Variants in ASPH observed in about 807,000 individuals in gnomAD.
ASPH encodes the protein aspartate beta-hydroxylase.
A neutral mutation model predicts 118.4 loss-of-function variants in ASPH; 100 were observed. The ratio of observed to expected loss-of-function variants is 0.84; its 90% CI spans 0.72 to 1.00. The LOEUF is 1.00. Among genes scored for constraint, ASPH ranks in the 50% least tolerant of loss-of-function variants. The probability of loss-of-function intolerance (pLI) is 0.00; values close to 1 mark genes in which losing one functional copy is unlikely to be tolerated. For missense variants in ASPH, 920 were observed against 919.5 expected (o/e 1.00, Z -0.01); for synonymous variants, 315 against 325.6 (o/e 0.97, Z 0.35).
At chr8:61,665,594 G>C (rs767065038) in intron 3 of ASPH, 21 of 1,573,894 alleles carry the variant, frequency 1.3e-5, no homozygotes, top group Non-Finnish European at 1.7e-5. Flanking sequence ...CTCTTCTTTA[G>C]TGAGTTCTTT....
intron 14 of ASPH, among the ~76,000 whole-genome samples, chr8:61,617,052 GAAGTT>G (rs1256037566): frequency 1.3e-5 from 2 of 152,328 alleles, no homozygotes; most frequent in Admixed American, 1.3e-4. Context: ...CCAACACATT[GAAGTT>G]ATCAGGCAGA....
At chr8:61,636,767 T>C (rs1857979877) in intron 12 of ASPH, among the ~76,000 whole-genome samples, 1 of 152,164 alleles carries the variant, frequency 6.6e-6, no homozygotes, top group Non-Finnish European at 1.5e-5. Context: ...AGATTATGGG[T>C]TTCCATCTTC....
chr8:61,507,504 T>C (rs1807071769), intron 24 of ASPH, among the ~76,000 whole-genome samples: 1 of 152,198 alleles, frequency 6.6e-6, no homozygotes, highest in Non-Finnish European at 1.5e-5. Context: ...AAAAAAATGG[T>C]GTCTTTCAAT....
Position 61,555,943 on chromosome 8 carries a change from T to A in ASPH, c.1517A>T (p.Glu506Val), listed in dbSNP as rs369603667. The A allele has an allele frequency of 7.1e-5, 115 of 1,613,910 alleles. No homozygotes were observed. The African/African-American group carries it at 1.2e-3, about 17-fold the overall frequency. Residue 506 changes from glutamate (E) to valine (V), a missense_variant, in exon 19 of 25, where the codon GAG becomes GTG. Coordinates refer to ENST00000379454, the MANE Select transcript of ASPH (RefSeq NM_004318.4). Reference protein sequence around the residue: ...FILKAQNKIAESIPYLKEGIE... With the variant: ...FILKAQNKIAVSIPYLKEGIE... ...CATTACCTTTAAATATGGGATGCTC[T>A]CAGCAATTTTGTTCTGTGCCTTCAG... is the stretch of plus-strand genomic sequence containing the variant.
chr8:61,681,033 T>C lies in ASPH; in HGVS notation c.257A>G (p.Lys86Arg), dbSNP rs1342368808. The change falls in exon 3 of 25, where the codon AAA becomes AGA. Residue 86 changes from lysine (K) to arginine (R), a missense_variant. By Grantham distance (26) the Lys-to-Arg change is conservative. Coordinates refer to ENST00000379454, the MANE Select transcript of ASPH (RefSeq NM_004318.4). Reference sequence around the variant, plus strand: ...ACCATCAGCATCATAGATTCCTAGTTTTCCTATAATAGGGCAGAAATGATG... The same window carrying C: ...ACCATCAGCATCATAGATTCCTAGTCTTCCTATAATAGGGCAGAAATGATG... ...DLVDYEEVLG[K>R]LGIYDADGDG... The C allele has an allele frequency of 3.1e-6, 5 of 1,594,244 alleles. No individual in the cohort carries two copies. The African/African-American group carries it at 4.0e-5, about 13-fold the overall frequency.
At chr8:61,515,018 A>C (rs1292411084) in intron 24 of ASPH, among the ~76,000 whole-genome samples, 1 of 138,958 alleles carries the variant, frequency 7.2e-6, no homozygotes, top group African/African-American at 2.6e-5. Flanking sequence ...CAGAAAGGAA[A>C]GAAGGGAGGG....
intron 19 of ASPH, 25 bp from the exon 20 acceptor site, chr8:61,553,145 G>A (rs1181120652): frequency 6.5e-7 from 1 of 1,527,508 alleles, no homozygotes; most frequent in Non-Finnish European, 9.0e-7. Flanking sequence ...GTGTTAGTAT[G>A]GGTAAAATAA....
intron 3 of ASPH, chr8:61,675,512 A>T: frequency 1.0e-6 from 1 of 981,914 alleles, no homozygotes; most frequent in Non-Finnish European, 1.2e-6. Flanking sequence ...ATTAACACAG[A>T]ATTTTACATA....
intron 16 of ASPH, among the ~76,000 whole-genome samples, chr8:61,573,311 C>T (rs566714113): frequency 2.6e-5 from 4 of 152,278 alleles, no homozygotes; most frequent in East Asian, 1.9e-4. Context: ...AGATTAAATG[C>T]TATCCCCATC....
Position 61,553,134 on chromosome 8 carries a change from AGTGT to A in ASPH, c.1537-18_1537-15del. 1 of 1,576,192 alleles carries A rather than the reference AGTGT, an allele frequency of 6.3e-7. No homozygotes were observed. The highest frequency in any genetic ancestry group is 8.7e-7 in the Non-Finnish European group (1 of 1,145,926). Reference sequence around the variant, plus strand: ...TTCTATTCCTTCCTGTAGAAAGGACAGTGTTAGTATGGGTAAAATAATTAAATAC... The same window carrying A: ...TTCTATTCCTTCCTGTAGAAAGGACATAGTATGGGTAAAATAATTAAATAC... On this transcript the variant is annotated splice_polypyrimidine_tract_variant and intron_variant, in intron 19 of 24. Coordinates refer to ENST00000379454, the MANE Select transcript of ASPH (RefSeq NM_004318.4).
chr8:61,558,719 C>T (rs1232557817), intron 18 of ASPH, among the ~76,000 whole-genome samples: 1 of 152,090 alleles, frequency 6.6e-6, no homozygotes, highest in Non-Finnish European at 1.5e-5. Flanking sequence ...AGTTTATATG[C>T]GAATGTGTAA....
intron 1 of ASPH, among the ~76,000 whole-genome samples, chr8:61,688,338 T>C (rs1831381165): frequency 6.6e-6 from 1 of 152,152 alleles, no homozygotes. Context: ...TGTTATTCCA[T>C]CAAAAGTACA....
intron 1 of ASPH, among the ~76,000 whole-genome samples, chr8:61,706,278 C>A (rs1462684727): frequency 6.6e-6 from 1 of 151,246 alleles, no homozygotes; most frequent in Non-Finnish European, 1.5e-5. Context: ...AGAAAATTAG[C>A]CAGGCATGGT....
At chr8:61,519,821 C>T (rs1296843118) in intron 22 of ASPH, among the ~76,000 whole-genome samples, 1 of 152,084 alleles carries the variant, frequency 6.6e-6, no homozygotes, top group Non-Finnish European at 1.5e-5. Context: ...GGAATACAGC[C>T]CTGGTGACAC....
chr8:61,614,315 G>A (rs1398155141), intron 14 of ASPH, among the ~76,000 whole-genome samples: 2 of 151,950 alleles, frequency 1.3e-5, no homozygotes, highest in African/African-American at 2.4e-5. Context: ...ACCCACCCAC[G>A]TGCACACATA....
At chr8:61,530,306 CAA>C (rs1817084134) in intron 21 of ASPH, among the ~76,000 whole-genome samples, 1 of 152,204 alleles carries the variant, frequency 6.6e-6, no homozygotes, top group South Asian at 2.1e-4. Flanking sequence ...CTTCTTGTGG[CAA>C]AAGAGACTTT....
At chr8:61,636,798 T>C (rs1045501257) in intron 12 of ASPH, among the ~76,000 whole-genome samples, 1 of 152,090 alleles carries the variant, frequency 6.6e-6, no homozygotes, top group Non-Finnish European at 1.5e-5. Context: ...CAAATAAACA[T>C]ATAGACTCAG....
At chr8:61,607,626 A>G (rs1241003199) in intron 14 of ASPH, among the ~76,000 whole-genome samples, 1 of 56,464 alleles carries the variant, frequency 1.8e-5, no homozygotes, top group Admixed American at 2.1e-4. Flanking sequence ...AGTTAAAGGA[A>G]AAAAAAAAAC....
chr8:61,665,246 G>C (rs774228515), intron 3 of ASPH: 18 of 1,574,126 alleles, frequency 1.1e-5, no homozygotes, highest in Non-Finnish European at 1.5e-5. Flanking sequence ...GATGATGCCA[G>C]AGCTTTAGCC....
Sources: gnomAD v4.1 joint callset for allele counts (sites outside exome capture counted in the v4.1 genomes callset) on GRCh38, gnomAD v4.1.1 for gene constraint, MANE v1.5 for transcripts, NCBI Gene and HGNC (gene_info 2026-07-23, HGNC 2026-07-21) for gene names.